ARHGAP27: variants seen among roughly 807,000 people sequenced by gnomAD.
ARHGAP27 encodes rho GTPase-activating protein 27.
Under a neutral mutation model 102.0 loss-of-function variants are expected in ARHGAP27, and 53 were observed. That is an observed-to-expected ratio of 0.52 (90% CI 0.42 to 0.65). ARHGAP27 has a LOEUF of 0.65. Among genes scored for constraint, ARHGAP27 ranks in the 30% least tolerant of loss-of-function variants. The pLI is 0.00. For missense variants in ARHGAP27, 1,117 were observed against 1,256.2 expected (o/e 0.89, Z 1.68); for synonymous variants, 525 against 542.8 (o/e 0.97, Z 0.46).
At chr17:45,403,872 G>A in intron 10 of ARHGAP27, 157 bp downstream of exon 10, 5 of 1,023,422 alleles carry the variant, frequency 4.9e-6, no homozygotes, top group South Asian at 4.5e-5. Context: ...GAGGGACCTT[G>A]AGCAAGTCAC....
At chr17:45,398,485 C>T (rs1398170011) in intron 12 of ARHGAP27, among the ~76,000 whole-genome samples, 1 of 152,176 alleles carries the variant, frequency 6.6e-6, no homozygotes, top group Non-Finnish European at 1.5e-5. Flanking sequence ...CCTGTAATCC[C>T]AGCACTTTGG....
At chr17:45,407,168 C>T (rs569913649) in intron 4 of ARHGAP27, among the ~76,000 whole-genome samples, 7 of 152,266 alleles carry the variant, frequency 4.6e-5, no homozygotes, top group African/African-American at 1.7e-4. Flanking sequence ...TTATTTCCTG[C>T]CACTCCTTGC....
Position 45,405,709 on chromosome 17 carries a change from C to T in ARHGAP27, c.1032G>A (p.Pro344=), listed in dbSNP as rs769083512. Residue 344 remains proline (P), a synonymous_variant, in exon 5 of 20, where the codon CCG becomes CCA. Coordinates refer to ENST00000685559, the MANE Select transcript of ARHGAP27 (RefSeq NM_001282290.2). ...CCCCTGGGCTGCCAGGGCTCAGGCC[C>T]GGCTGCATCTCCAACTCCTCCTCGG... is the stretch of plus-strand genomic sequence containing the variant. ...NEPEEELEMQ[P]GLSPGSPGDP... 1.9e-6 allele frequency: 3 copies of T among 1,602,980 alleles called. No homozygotes were observed. Among genetic ancestry groups the T allele is most frequent in the Non-Finnish European group, 1.7e-6 (2 of 1,178,852 alleles).
chr17:45,425,093 TCTC>T (rs767533617), intron 4 of ARHGAP27, among the ~76,000 whole-genome samples: 11 of 151,886 alleles, frequency 7.2e-5, no homozygotes, highest in Non-Finnish European at 1.3e-4. Flanking sequence ...GAAGCTGCTG[TCTC>T]CTAAGTCAGG....
intron 4 of ARHGAP27, among the ~76,000 whole-genome samples, chr17:45,415,255 T>C (rs1297568069): frequency 3.9e-5 from 6 of 152,148 alleles, no homozygotes; most frequent in Non-Finnish European, 7.4e-5. Flanking sequence ...GCCTGACTTC[T>C]CTCCAGTGTT....
In ARHGAP27 at chr17:45,405,678, G is replaced by T; in HGVS notation, c.1063C>A (p.Arg355=). The change falls in exon 5 of 20, where the codon CGG becomes AGG. Residue 355 remains arginine, a splice_region_variant and synonymous_variant. Transcript: ENST00000685559. Reference sequence around the variant, plus strand: ...CCCACTCTGGCCCTGCCCCTCACCCGCGGGTCCCCTGGGCTGCCAGGGCTC... The same window carrying T: ...CCCACTCTGGCCCTGCCCCTCACCCTCGGGTCCCCTGGGCTGCCAGGGCTC... ...GLSPGSPGDP[R]PPTPETDYPE... is the part of the protein sequence containing the mutation. 6.3e-7 allele frequency: 1 copy of T among 1,588,056 alleles called. No individual in the cohort carries two copies. Among genetic ancestry groups the T allele is most frequent in the South Asian group, 1.1e-5 (1 of 88,034 alleles).
In ARHGAP27 at chr17:45,397,111, C is replaced by A. The variant is rs936183530; in HGVS notation, c.1843-87G>T. 7 of 1,557,090 alleles carry A rather than the reference C, an allele frequency of 4.5e-6. No homozygotes were observed. In the African/African-American group the frequency reaches 8.2e-5, roughly 18 times the overall value. ...GGGCAAGGGACCCGAAATGCACTCC[C>A]AACAGGCATGGCCTGGAGACCCTCA... On this transcript the variant is annotated intron_variant, in intron 13 of 19. Transcript: ENST00000685559.
chr17:45,416,143 T>G (rs2048428897), intron 4 of ARHGAP27, among the ~76,000 whole-genome samples: 1 of 152,050 alleles, frequency 6.6e-6, no homozygotes, highest in Admixed American at 6.5e-5. Flanking sequence ...CCTCCCGGGT[T>G]CACGCCATTC....
rs747468385 is a variant in ARHGAP27 at position 45,395,431 on chromosome 17, C to G, written c.*25G>C. 2 of 1,539,230 alleles carry G rather than the reference C, an allele frequency of 1.3e-6. No homozygotes were observed. The highest frequency in any genetic ancestry group is 1.8e-6 in the Non-Finnish European group (2 of 1,139,326). ...CCAGCTTGTGTGGCAGGACCGCGGC[C>G]GCCGCCCCAGTCACAGGCCAGCAGT... is the stretch of plus-strand genomic sequence containing the variant. On this transcript the variant is annotated 3_prime_UTR_variant, in exon 20 of 20. Coordinates refer to ENST00000685559, the MANE Select transcript of ARHGAP27 (RefSeq NM_001282290.2).
At chr17:45,413,915 G>A (rs2048173166) in intron 4 of ARHGAP27, among the ~76,000 whole-genome samples, 1 of 152,140 alleles carries the variant, frequency 6.6e-6, no homozygotes, top group African/African-American at 2.4e-5. Flanking sequence ...AGACCAGCCT[G>A]GCCAACATAG....
intron 4 of ARHGAP27, among the ~76,000 whole-genome samples, chr17:45,406,701 T>G (rs1409959594): frequency 1.3e-5 from 2 of 152,112 alleles, no homozygotes; most frequent in African/African-American, 4.8e-5. Flanking sequence ...TCACCCAGGC[T>G]GGAGTGCAGT....
At chr17:45,407,760 C>T (rs2047391705) in intron 4 of ARHGAP27, 1 of 152,174 alleles carries the variant, frequency 6.6e-6, no homozygotes, top group Non-Finnish European at 1.5e-5. Flanking sequence ...GTGATCCGCC[C>T]ACCAGGGCCT....
intron 12 of ARHGAP27, among the ~76,000 whole-genome samples, chr17:45,400,850 G>A (rs1466543914): frequency 1.3e-5 from 2 of 152,138 alleles, no homozygotes; most frequent in African/African-American, 4.8e-5. Flanking sequence ...GAGAGGCAGA[G>A]GTTGCAGTGA....
rs755221760 is a variant in ARHGAP27 at position 45,427,611 on chromosome 17, G to C, written c.657+2012C>G. On this transcript the variant is annotated intron_variant, in intron 4 of 19. Coordinates refer to ENST00000685559, the MANE Select transcript of ARHGAP27 (RefSeq NM_001282290.2). The surrounding 1 kb of genome is among the most constrained non-coding windows in gnomAD (Gnocchi z 4.5). ...CCTACCCTGGACTTTGTTGGGGGTGGAGCACCAGGGAGACCCACAGCTGCC... is the reference window on the plus strand; with the variant it reads ...CCTACCCTGGACTTTGTTGGGGGTGCAGCACCAGGGAGACCCACAGCTGCC... Among the ~76,000 whole-genome samples, 1 of 152,350 alleles carries C rather than the reference G, an allele frequency of 6.6e-6. No homozygotes were observed. Among genetic ancestry groups the C allele is most frequent in the African/African-American group, 2.4e-5 (1 of 41,576 alleles).
At chr17:45,410,549 G>A (rs1219493614) in intron 4 of ARHGAP27, 5 of 750,560 alleles carry the variant, frequency 6.7e-6, no homozygotes, top group Non-Finnish European at 9.5e-6. Context: ...GTGCTCTAAT[G>A]ACCAGTGAGC....
At chr17:45,428,057 ACT>A (rs1359583188) in intron 4 of ARHGAP27, among the ~76,000 whole-genome samples, 1 of 152,044 alleles carries the variant, frequency 6.6e-6, no homozygotes, top group Non-Finnish European at 1.5e-5. Flanking sequence ...CTCAACACAC[ACT>A]CTCTGTGCAC....
Position 45,406,014 on chromosome 17 carries a change from C to T in ARHGAP27, c.727G>A (p.Ala243Thr), listed in dbSNP as rs1176674645. 1 of 1,534,750 alleles carries T rather than the reference C, an allele frequency of 6.5e-7. No homozygotes were observed. The highest frequency in any genetic ancestry group is 2.0e-5 in the Admixed American group (1 of 50,906). ...ACCGGGCTGGGAAGGGGGGCTGCAG[C>T]GGCGCCCGGTGAAGTGGCCCGGGGC... is the stretch of plus-strand genomic sequence containing the variant. Reference protein sequence around the residue: ...RQPRATSPGAAAAPLPSPVWE... With the variant: ...RQPRATSPGATAAPLPSPVWE... Residue 243 changes from alanine (A) to threonine (T), a missense_variant, in exon 5 of 20, where the codon GCT (alanine) becomes ACT (threonine). Ala to Thr is a moderately conservative substitution (Grantham distance 58). Around this residue, in one of 3 missense-constraint regions of ARHGAP27, gnomAD observed 610 missense variants for 716.4 expected, o/e 0.85. Coordinates refer to ENST00000685559, the MANE Select transcript of ARHGAP27 (RefSeq NM_001282290.2).
intron 12 of ARHGAP27, 108 bp downstream of exon 12, chr17:45,402,606 G>A (rs1250266883): frequency 1.2e-5 from 12 of 996,852 alleles, no homozygotes; most frequent in Non-Finnish European, 1.8e-5. Flanking sequence ...TGGCTCATAG[G>A]GAATTAAGGG....
intron 4 of ARHGAP27, among the ~76,000 whole-genome samples, chr17:45,420,266 A>G (rs1362107508): frequency 1.3e-5 from 2 of 151,850 alleles, no homozygotes; most frequent in African/African-American, 4.8e-5. Flanking sequence ...TCCAAGATAC[A>G]TTGTCAAAGA....
Sources: allele counts gnomAD v4.1 joint callset (sites outside exome capture counted in the v4.1 genomes callset), GRCh38; gene constraint gnomAD v4.1.1; regional missense constraint gnomAD v4.1.1; non-coding constraint Gnocchi (gnomAD v3.1); transcripts MANE v1.5; gene names NCBI Gene and HGNC (gene_info 2026-07-23, HGNC 2026-07-21).